IGSF11: variants seen among roughly 807,000 people sequenced by gnomAD.
IGSF11 encodes the protein immunoglobulin superfamily member 11, also known as CXADR like 1.
Under a neutral mutation model 41.0 loss-of-function variants are expected in IGSF11, and 22 were observed. That is an observed-to-expected ratio of 0.54 (90% CI 0.38 to 0.77). The LOEUF is 0.77. IGSF11 is among the 30% of genes least tolerant of loss of function. The probability of loss-of-function intolerance (pLI) is 0.00; values close to 1 mark genes in which losing one functional copy is unlikely to be tolerated. For synonymous variants in IGSF11, 219 were observed against 201.3 expected, an observed-to-expected ratio of 1.09 and a Z score of -0.74; for missense variants, 444 against 530.8, an observed-to-expected ratio of 0.84 and a Z score of 1.61.
chr3:119,094,254 T>TAAAAAAAAAAAAAAA (rs2076813234), intron 1 of IGSF11, among the ~76,000 whole-genome samples: 1 of 57,230 alleles, frequency 1.7e-5, no homozygotes, highest in Non-Finnish European at 5.0e-5. Flanking sequence ...AAAAAAAAGT[T>TAAAAAAAAAAAAAAA]GTTGTTCAAT....
chr3:119,029,708 G>A (rs1183829345), intron 1 of IGSF11, among the ~76,000 whole-genome samples: 2 of 152,166 alleles, frequency 1.3e-5, no homozygotes, highest in Non-Finnish European at 2.9e-5. Context: ...GAGTATAGGG[G>A]TTCTCTAAAT....
intron 1 of IGSF11, among the ~76,000 whole-genome samples, chr3:119,086,011 A>G (rs2107487951): frequency 6.6e-6 from 1 of 152,318 alleles, no homozygotes; most frequent in Admixed American, 6.5e-5. Flanking sequence ...TCTACTTGGG[A>G]CACACTATGT....
At chr3:118,986,198 C>T (rs1319480089) in intron 1 of IGSF11, among the ~76,000 whole-genome samples, 1 of 152,162 alleles carries the variant, frequency 6.6e-6, no homozygotes. Context: ...TGTGCCACCC[C>T]TCACTCCTCT....
chr3:119,059,179 T>TCACACA (rs144416307), intron 1 of IGSF11, among the ~76,000 whole-genome samples: 20,639 of 147,776 alleles, frequency 0.14, 1,591 homozygotes, highest in South Asian at 0.23. Context: ...TATACACAGA[T>TCACACA]CACACACACA....
chr3:119,101,339 G>A (rs141363103), intron 1 of IGSF11, among the ~76,000 whole-genome samples: 2,440 of 152,134 alleles, frequency 0.016, 79 homozygotes, highest in African/African-American at 0.056. Flanking sequence ...GAGAAACCCT[G>A]TCTCTACTAA....
At chr3:118,931,229 A>C (rs1942823501) in intron 1 of IGSF11, among the ~76,000 whole-genome samples, 1 of 152,232 alleles carries the variant, frequency 6.6e-6, no homozygotes, top group South Asian at 2.1e-4. Context: ...AGACCTAAAT[A>C]AAAATCAACA....
intron 1 of IGSF11, among the ~76,000 whole-genome samples, chr3:118,990,299 G>A (rs116709522): frequency 7.9e-5 from 12 of 152,352 alleles, no homozygotes; most frequent in Non-Finnish European, 1.5e-4. Context: ...ACCTAGATGT[G>A]AAGTGAAGAG....
chr3:119,042,003 T>A (rs1010274048), intron 1 of IGSF11, among the ~76,000 whole-genome samples: 4 of 152,210 alleles, frequency 2.6e-5, no homozygotes, highest in African/African-American at 9.6e-5. Context: ...ATAGGCCAAT[T>A]TTTCTTATGC....
chr3:119,009,612 T>C (rs1432188854), intron 1 of IGSF11, among the ~76,000 whole-genome samples: 2 of 152,234 alleles, frequency 1.3e-5, no homozygotes, highest in Non-Finnish European at 2.9e-5. Flanking sequence ...GTCAGTCAAA[T>C]AAACCTTCTT....
At chr3:119,094,624 A>G (rs2076819228) in intron 1 of IGSF11, among the ~76,000 whole-genome samples, 1 of 152,082 alleles carries the variant, frequency 6.6e-6, no homozygotes, top group Non-Finnish European at 1.5e-5. Context: ...TATCTACACC[A>G]AAGTAGGGTA....
Position 119,053,694 on chromosome 3 carries a change from G to A in IGSF11, c.49+51450C>T, listed in dbSNP as rs940870381. 3.9e-5 allele frequency among the ~76,000 whole-genome samples: 6 copies of A among 152,050 alleles called. 1 individual carries two copies. The highest frequency in any genetic ancestry group is 3.9e-4 in the East Asian group (2 of 5,180). Reference sequence around the variant, plus strand: ...TAAAATTTGTATGGAACCAAAAAAGGCCCTGCATAGCCAAAGCAAGACTAA... The same window carrying A: ...TAAAATTTGTATGGAACCAAAAAAGACCCTGCATAGCCAAAGCAAGACTAA... On this transcript the variant is annotated intron_variant, in intron 1 of 6. Coordinates refer to the IGSF11 transcript ENST00000354673.
chr3:118,964,397 AG>A (rs1945535462), intron 1 of IGSF11, among the ~76,000 whole-genome samples: 1 of 152,092 alleles, frequency 6.6e-6, no homozygotes, highest in Admixed American at 6.6e-5. Context: ...AGAGCTAAAG[AG>A]GGAAAAAAAG....
chr3:118,944,059 A>T (rs1402373843), intron 1 of IGSF11, among the ~76,000 whole-genome samples: 2 of 152,248 alleles, frequency 1.3e-5, no homozygotes, highest in African/African-American at 4.8e-5. Flanking sequence ...CACCAGTAAC[A>T]CTGCTTCTTT....
At chr3:118,987,494 G>A (rs530310391) in intron 1 of IGSF11, among the ~76,000 whole-genome samples, 2 of 152,252 alleles carry the variant, frequency 1.3e-5, no homozygotes, top group South Asian at 4.1e-4. Flanking sequence ...CTAGTAGTGT[G>A]GAGCCATAAA....
chr3:118,909,398 A>C (rs1225547750), intron 4 of IGSF11, among the ~76,000 whole-genome samples: 1 of 152,194 alleles, frequency 6.6e-6, no homozygotes, highest in Admixed American at 6.5e-5. Context: ...TCCTAACCTG[A>C]AAAAGATATT....
At chr3:118,923,958 T>C (rs1942068381) in intron 4 of IGSF11, among the ~76,000 whole-genome samples, 1 of 152,184 alleles carries the variant, frequency 6.6e-6, no homozygotes, top group Non-Finnish European at 1.5e-5. Context: ...TTGTCATTAA[T>C]AAGCAATTTG....
At chr3:119,034,896 C>T, upstream of IGSF11, 1 of 1,084,258 alleles carries the variant, frequency 9.2e-7, no homozygotes, top group Non-Finnish European at 1.1e-6. Flanking sequence ...ACTCACGCCC[C>T]GCTACTCCAG....
At chr3:119,036,741 C>T (rs1463277455), upstream of IGSF11, among the ~76,000 whole-genome samples, 1 of 151,822 alleles carries the variant, frequency 6.6e-6, no homozygotes, top group Non-Finnish European at 1.5e-5. Context: ...GTTCCAATTG[C>T]ATATGGGCTA....
chr3:119,122,664 G>T (rs368733221), intron 1 of IGSF11, among the ~76,000 whole-genome samples: 9 of 152,216 alleles, frequency 5.9e-5, no homozygotes, highest in African/African-American at 1.9e-4. Context: ...GGAGAAGAGA[G>T]AATTTTGTCT....
Sources: allele counts gnomAD v4.1 joint callset (sites outside exome capture counted in the v4.1 genomes callset), GRCh38; gene constraint gnomAD v4.1.1; transcripts MANE v1.5; gene names NCBI Gene and HGNC (gene_info 2026-07-23, HGNC 2026-07-21).